Variants in FDFT1 observed in about 807,000 individuals in gnomAD.
FDFT1 encodes farnesyl-diphosphate farnesyltransferase 1, also known as squalene synthase.
Under a neutral mutation model 46.8 loss-of-function variants are expected in FDFT1, and 68 were observed. The ratio of observed to expected loss-of-function variants is 1.45; its 90% CI spans 1.19 to 1.78. The LOEUF (loss-of-function observed/expected upper bound fraction) is 1.78. Ranked by LOEUF, FDFT1 falls within the 40% of genes most tolerant of loss-of-function variation. The probability of loss-of-function intolerance (pLI) is 0.00; values close to 1 mark genes in which losing one functional copy is unlikely to be tolerated. For missense variants in FDFT1, 928 were observed against 524.4 expected (o/e 1.77, Z -7.52); for synonymous variants, 351 against 185.1 (o/e 1.90, Z -7.28).
intron 4 of FDFT1, among the ~76,000 whole-genome samples, chr8:11,823,380 A>AT (rs531336548): frequency 3.9e-5 from 6 of 152,058 alleles, no homozygotes; most frequent in South Asian, 2.1e-4. Context: ...AGATATACTA[A>AT]TTTTTTTTTA....
chr8:11,819,823 C>A (rs1295824232), intron 3 of FDFT1, among the ~76,000 whole-genome samples: 2 of 152,116 alleles, frequency 1.3e-5, no homozygotes, highest in Non-Finnish European at 2.9e-5. Context: ...TTTGTTATTA[C>A]CAACCTTCTG....
At chr8:11,822,512 T>C (rs1339864371) in intron 4 of FDFT1, among the ~76,000 whole-genome samples, 1 of 152,226 alleles carries the variant, frequency 6.6e-6, no homozygotes, top group Non-Finnish European at 1.5e-5. Context: ...TAGAAATCAA[T>C]TTCTGCATTT....
intron 4 of FDFT1, among the ~76,000 whole-genome samples, chr8:11,822,650 A>C (rs1352419854): frequency 6.6e-6 from 1 of 152,070 alleles, no homozygotes; most frequent in Non-Finnish European, 1.5e-5. Flanking sequence ...CCCGTCTTTC[A>C]AAAAATTAAA....
At chr8:11,815,551 A>C (rs1489983040) in intron 3 of FDFT1, among the ~76,000 whole-genome samples, 1 of 152,176 alleles carries the variant, frequency 6.6e-6, no homozygotes, top group Non-Finnish European at 1.5e-5. Context: ...GACTTTTTAA[A>C]TGATCGCCAT....
At chr8:11,817,620 C>G (rs929825561) in intron 3 of FDFT1, among the ~76,000 whole-genome samples, 2 of 152,280 alleles carry the variant, frequency 1.3e-5, no homozygotes, top group South Asian at 4.1e-4. Flanking sequence ...AGGAATGTAT[C>G]CATTTCTTCT....
chr8:11,826,791 G>C (rs891579551), intron 5 of FDFT1, among the ~76,000 whole-genome samples: 45 of 152,154 alleles, frequency 3.0e-4, no homozygotes, highest in African/African-American at 8.9e-4. Flanking sequence ...CTCCAGCCTG[G>C]GCGACAGAGT....
chr8:11,824,281 T>G (rs1338915663), intron 4 of FDFT1, among the ~76,000 whole-genome samples: 1 of 152,186 alleles, frequency 6.6e-6, no homozygotes, highest in African/African-American at 2.4e-5. Flanking sequence ...GGATACCCTT[T>G]TCAGAGGAGG....
intron 3 of FDFT1, among the ~76,000 whole-genome samples, chr8:11,820,989 G>A (rs532271236): frequency 2.6e-5 from 4 of 152,316 alleles, no homozygotes; most frequent in Admixed American, 6.5e-5. Flanking sequence ...TGTTCCTACT[G>A]GGACATCTTG....
intron 6 of FDFT1, 72 bp from the exon 7 acceptor site, chr8:11,831,446 C>G (rs1810772557): frequency 4.2e-6 from 6 of 1,425,964 alleles, no homozygotes; most frequent in South Asian, 2.4e-5. Flanking sequence ...AGAAGGTTTT[C>G]TTACCTTTTT....
chr8:11,802,349 G>T (rs1187767066), upstream of FDFT1: 1 of 423,556 alleles, frequency 2.4e-6, no homozygotes, highest in African/African-American at 2.0e-5. Context: ...TGGGGAGGAA[G>T]CAGCCCCGCA....
chr8:11,809,547 T>C, intron 2 of FDFT1, 120 bp from the exon 3 acceptor site: 2 of 1,301,432 alleles, frequency 1.5e-6, no homozygotes, highest in Non-Finnish European at 2.0e-6. Context: ...TGGATATCCT[T>C]ATAGTTCTTT....
intron 3 of FDFT1, chr8:11,810,089 T>C: frequency 2.1e-6 from 1 of 476,656 alleles, no homozygotes; most frequent in South Asian, 3.4e-5. Context: ...CCTCAGTTTC[T>C]TCATCTGTAA....
chr8:11,807,776 G>C (rs568848089), intron 1 of FDFT1, among the ~76,000 whole-genome samples: 5 of 152,338 alleles, frequency 3.3e-5, no homozygotes, highest in East Asian at 3.9e-4. Flanking sequence ...GAAAGGAATG[G>C]CTGGCTTTCT....
intron 7 of FDFT1, among the ~76,000 whole-genome samples, chr8:11,832,206 T>G (rs1810897500): frequency 6.6e-6 from 1 of 151,988 alleles, no homozygotes. Context: ...AACCATCCTA[T>G]AAAAAGAAAA....
At chr8:11,818,755 G>T (rs1395903568) in intron 3 of FDFT1, among the ~76,000 whole-genome samples, 3 of 151,934 alleles carry the variant, frequency 2.0e-5, no homozygotes, top group East Asian at 1.9e-4. Flanking sequence ...ATCTCTGCAC[G>T]TGAGACGGGT....
chr8:11,798,827 C>A (rs1000719940), upstream of FDFT1, among the ~76,000 whole-genome samples: 1 of 152,134 alleles, frequency 6.6e-6, no homozygotes, highest in Non-Finnish European at 1.5e-5. Flanking sequence ...AAAGGTGTGT[C>A]GTCACTGAGC....
In FDFT1 at chr8:11,838,447, C is replaced by T. The variant is rs756665662; in HGVS notation, c.1092C>T (p.Ser364=). 9 of 1,609,948 alleles carry T rather than the reference C, an allele frequency of 5.6e-6. No individual in the cohort carries two copies. The Admixed American group carries it at 1.3e-4, about 24-fold the overall frequency. Residue 364 remains serine, a synonymous_variant, in exon 8 of 8, where the codon TCC becomes TCT. Transcript: ENST00000220584. ...CTAGCAAAACAAGGCAGATCATCTC[C>T]ACCATCCGGACGCAGAATCTTCCCA... ...PSSSKTRQII[S]TIRTQNLPNC...
intron 1 of FDFT1, among the ~76,000 whole-genome samples, chr8:11,805,039 C>G (rs2686198): frequency 2.6e-5 from 4 of 151,392 alleles, no homozygotes; most frequent in Non-Finnish European, 4.4e-5. Context: ...TTCCTGATCC[C>G]GAGTAGCTGG....
Position 11,838,681 on chromosome 8 carries a change from G to A in FDFT1, c.*72G>A, listed in dbSNP as rs1414529270. ...TTTTTTCTTTAAGGATGGATGTTGT[G>A]TTCTCTTTATTTTTTTCCTACTACT... On this transcript the variant is annotated 3_prime_UTR_variant, in exon 8 of 8. Transcript: ENST00000220584. 1.7e-6 allele frequency: 2 copies of A among 1,194,244 alleles called. No individual in the cohort carries two copies. Among genetic ancestry groups the A allele is most frequent in the African/African-American group, 1.5e-5 (1 of 66,344 alleles). The allele number at this position is 1,194,244 out of a possible 1,614,324, so 74.0% of individuals were successfully genotyped here.
Sources: allele counts gnomAD v4.1 joint callset (sites outside exome capture counted in the v4.1 genomes callset), GRCh38; gene constraint gnomAD v4.1.1; transcripts MANE v1.5; gene names NCBI Gene and HGNC (gene_info 2026-07-23, HGNC 2026-07-21).